The following LOC128706666 variants were observed in gnomAD, a reference collection of about 807,000 sequenced individuals.
chr20:10,424,789 T>A, the LOC128706666 span, among the ~76,000 whole-genome samples: 1 of 152,156 alleles, frequency 6.6e-6, no homozygotes, highest in Non-Finnish European at 1.5e-5. Context: ...CGGTGGCTCA[T>A]GCCTGTAATC....
At chr20:10,433,782 G>T in the LOC128706666 span, among the ~76,000 whole-genome samples, 1 of 152,132 alleles carries the variant, frequency 6.6e-6, no homozygotes, top group African/African-American at 2.4e-5. Context: ...GGAGGGGACG[G>T]GGAGTCACAG....
the LOC128706666 span, among the ~76,000 whole-genome samples, chr20:10,415,955 T>C: frequency 6.3e-4 from 96 of 151,966 alleles, no homozygotes; most frequent in African/African-American, 2.2e-3. Flanking sequence ...GGTCTAGACC[T>C]GAACAAAAGA....
the LOC128706666 span, among the ~76,000 whole-genome samples, chr20:10,423,006 C>T: frequency 2.6e-5 from 4 of 152,194 alleles, no homozygotes; most frequent in East Asian, 1.9e-4. Flanking sequence ...CCACTGCGCC[C>T]GGCCCTTCAA....
the LOC128706666 span, among the ~76,000 whole-genome samples, chr20:10,426,106 T>G: frequency 3.3e-5 from 5 of 152,384 alleles, no homozygotes; most frequent in East Asian, 9.6e-4. Flanking sequence ...ATTTTTCATT[T>G]TGTTTTGCTT....
At chr20:10,426,691 G>T in the LOC128706666 span, among the ~76,000 whole-genome samples, 1 of 152,162 alleles carries the variant, frequency 6.6e-6, no homozygotes, top group Non-Finnish European at 1.5e-5. Context: ...AGCCATGCAC[G>T]CCCCGTGGCA....
chr20:10,415,321 G>A, the LOC128706666 span, among the ~76,000 whole-genome samples: 1 of 152,144 alleles, frequency 6.6e-6, no homozygotes, highest in African/African-American at 2.4e-5. Context: ...CCTAAAAGTA[G>A]GCTACAGCAT....
At chr20:10,423,467 T>C in the LOC128706666 span, among the ~76,000 whole-genome samples, 2 of 152,066 alleles carry the variant, frequency 1.3e-5, no homozygotes, top group Non-Finnish European at 2.9e-5. Flanking sequence ...GATAAAAGGA[T>C]GTAATAATAA....
At chr20:10,429,758 C>A in the LOC128706666 span, among the ~76,000 whole-genome samples, 1 of 152,132 alleles carries the variant, frequency 6.6e-6, no homozygotes, top group East Asian at 1.9e-4. Context: ...CAGACCCTCG[C>A]GCCCTCACAT....
chr20:10,424,088 T>G, the LOC128706666 span, among the ~76,000 whole-genome samples: 1 of 152,330 alleles, frequency 6.6e-6, no homozygotes, highest in Non-Finnish European at 1.5e-5. Context: ...GCTTTTCACG[T>G]TACAAACTAT....
At chr20:10,415,050 G>A in the LOC128706666 span, among the ~76,000 whole-genome samples, 6 of 152,054 alleles carry the variant, frequency 3.9e-5, no homozygotes, top group Non-Finnish European at 8.8e-5. Flanking sequence ...ATATCAAAAG[G>A]ACATGTAGAA....
chr20:10,414,054 A>T, the LOC128706666 span: 6 of 374,838 alleles, frequency 1.6e-5, no homozygotes, highest in East Asian at 2.3e-4. Flanking sequence ...AACTGGCACA[A>T]ACGTCCAGAA....
At chr20:10,432,734 T>C in the LOC128706666 span, among the ~76,000 whole-genome samples, 1 of 134,818 alleles carries the variant, frequency 7.4e-6, no homozygotes, top group East Asian at 2.1e-4. Flanking sequence ...AGGCGGAGGT[T>C]GCACAGTGAG....
chr20:10,419,859 T>C, the LOC128706666 span, among the ~76,000 whole-genome samples: 1 of 152,166 alleles, frequency 6.6e-6, no homozygotes, highest in South Asian at 2.1e-4. Context: ...ATTTCTGGAA[T>C]TTTCTATTTA....
chr20:10,428,402 C>T, the LOC128706666 span, among the ~76,000 whole-genome samples: 1 of 152,184 alleles, frequency 6.6e-6, no homozygotes, highest in Non-Finnish European at 1.5e-5. Flanking sequence ...GAGCCCATTT[C>T]TACCCTTCAT....
At chr20:10,427,285 G>T in the LOC128706666 span, among the ~76,000 whole-genome samples, 1 of 152,074 alleles carries the variant, frequency 6.6e-6, no homozygotes, top group Non-Finnish European at 1.5e-5. Flanking sequence ...GGGCTTGCTG[G>T]GCGCCATCTG....
At chr20:10,416,705 T>C in the LOC128706666 span, among the ~76,000 whole-genome samples, 1 of 152,282 alleles carries the variant, frequency 6.6e-6, no homozygotes, top group African/African-American at 2.4e-5. Flanking sequence ...AGCTAATAAA[T>C]GGAGAAGGAA....
the LOC128706666 span, among the ~76,000 whole-genome samples, chr20:10,416,076 G>C: frequency 6.6e-6 from 1 of 152,146 alleles, no homozygotes; most frequent in Non-Finnish European, 1.5e-5. Flanking sequence ...TCCTAAACAA[G>C]GTGCTCCATA....
the LOC128706666 span, among the ~76,000 whole-genome samples, chr20:10,418,695 C>T: frequency 3.2e-4 from 48 of 152,074 alleles, no homozygotes; most frequent in Non-Finnish European, 6.0e-4. Flanking sequence ...TTTCTTTTTG[C>T]ATGAGAAGAA....
At chr20:10,427,929 C>T in the LOC128706666 span, among the ~76,000 whole-genome samples, 3 of 152,184 alleles carry the variant, frequency 2.0e-5, no homozygotes, top group Non-Finnish European at 2.9e-5. Context: ...CTGCTAACAG[C>T]GTAACTGAGT....
Sources: gnomAD v4.1 joint callset for allele counts (sites outside exome capture counted in the v4.1 genomes callset) on GRCh38, gnomAD v4.1.1 for gene constraint, MANE v1.5 for transcripts.